The following TFDP1 variants were observed in gnomAD, a reference collection of about 807,000 sequenced individuals.
TFDP1 encodes DRTF1-polypeptide 1.
Under a neutral mutation model 48.0 loss-of-function variants are expected in TFDP1, and 6 were observed. The ratio of observed to expected loss-of-function variants is 0.13; its 90% confidence interval spans 0.07 to 0.25. The LOEUF (loss-of-function observed/expected upper bound fraction) is 0.25. Ranked by LOEUF, TFDP1 falls within the 10% of genes least tolerant of loss-of-function variation. The probability of loss-of-function intolerance (pLI) is 1.00; values close to 1 mark genes in which losing one functional copy is unlikely to be tolerated. For missense variants in TFDP1, 335 were observed against 543.0 expected, an observed-to-expected ratio of 0.62 and a Z score of 3.81; for synonymous variants, 201 against 211.6, an observed-to-expected ratio of 0.95 and a Z score of 0.44.
intron 1 of TFDP1, among the ~76,000 whole-genome samples, 172 bp downstream of exon 1, chr13:113,585,060 C>T (rs1047972274): frequency 6.8e-6 from 1 of 146,746 alleles, no homozygotes; most frequent in Non-Finnish European, 1.5e-5. Context: ...GCGCGCTCGG[C>T]GCTGGTAGGG....
chr13:113,638,281 G>A (rs1159755655), intron 11 of TFDP1, among the ~76,000 whole-genome samples: 5 of 151,414 alleles, frequency 3.3e-5, no homozygotes, highest in South Asian at 4.2e-4. Context: ...ACGCGTCTGC[G>A]GTCTGGGCGC....
At chr13:113,635,441 A>G (rs1242976467) in intron 8 of TFDP1, among the ~76,000 whole-genome samples, 2 of 152,152 alleles carry the variant, frequency 1.3e-5, no homozygotes, top group Non-Finnish European at 2.9e-5. Context: ...CTGGCTCTAC[A>G]TTAATAGCAA....
chr13:113,633,500 C>T lies in TFDP1; in HGVS notation c.474+215C>T, dbSNP rs181737263. ...GTGGTACGTTTCGCTCTTTTAATAT[C>T]GGGAACAGTTAAAACCATACAGAAA... On this transcript the variant is annotated intron_variant, in intron 6 of 11. Transcript: ENST00000375370. This position sits in a 1 kb window ranked among gnomAD's most constrained non-coding sequence, Gnocchi z 4.5. Among the ~76,000 whole-genome samples, 17 of 152,188 alleles carry T rather than the reference C, an allele frequency of 1.1e-4. No individual in the cohort carries two copies. Among genetic ancestry groups the T allele is most frequent in the Admixed American group, 4.6e-4 (7 of 15,304 alleles).
chr13:113,606,368 C>T (rs1233790904), intron 2 of TFDP1, among the ~76,000 whole-genome samples: 1 of 152,158 alleles, frequency 6.6e-6, no homozygotes, highest in African/African-American at 2.4e-5. Flanking sequence ...GGGAGTCCAC[C>T]ATCAAGGCCC....
intron 2 of TFDP1, among the ~76,000 whole-genome samples, chr13:113,596,414 A>G (rs2048290473): frequency 6.6e-6 from 1 of 152,208 alleles, no homozygotes; most frequent in South Asian, 2.1e-4. Flanking sequence ...ACGATGCAGC[A>G]TGGAGGACAG....
intron 7 of TFDP1, 36 bp downstream of exon 7, chr13:113,634,069 T>G: frequency 6.2e-7 from 1 of 1,613,902 alleles, no homozygotes; most frequent in African/African-American, 1.3e-5. Flanking sequence ...TTGATTTCCC[T>G]TCAAGTCCGT....
chr13:113,600,655 G>C lies in TFDP1; in HGVS notation c.13-10341G>C, dbSNP rs151279153. On this transcript the variant is annotated intron_variant, in intron 2 of 11. Coordinates refer to ENST00000375370, the MANE Select transcript of TFDP1 (RefSeq NM_007111.5). ...GGACCATAAGAGAGAACCCTTACAC[G>C]TAGAGCTCCAGGACCGTGATAGAGA... Among the ~76,000 whole-genome samples, 425 of 140,468 alleles carry C rather than the reference G, an allele frequency of 3.0e-3. 2 individuals are homozygous for C. The highest frequency in any genetic ancestry group is 0.011 in the African/African-American group (403 of 37,754). 92.2% of individuals were successfully genotyped at this position (140,468 alleles called of 152,430 possible).
At chr13:113,611,389 G>A (rs926803946) in intron 3 of TFDP1, among the ~76,000 whole-genome samples, 5 of 152,272 alleles carry the variant, frequency 3.3e-5, no homozygotes, top group Non-Finnish European at 7.3e-5. Context: ...CAGCTGTGGT[G>A]TGGGCTCTTC....
At chr13:113,609,490 G>A (rs570669735) in intron 2 of TFDP1, among the ~76,000 whole-genome samples, 14 of 152,126 alleles carry the variant, frequency 9.2e-5, no homozygotes, top group South Asian at 2.1e-4. Flanking sequence ...TCGGGCTTAC[G>A]GGCAGCCCTG....
chr13:113,617,196 A>T (rs1207329798), intron 3 of TFDP1, among the ~76,000 whole-genome samples: 2 of 152,180 alleles, frequency 1.3e-5, no homozygotes, highest in Non-Finnish European at 2.9e-5. Flanking sequence ...TAACTGCCAG[A>T]GTAGATAGCT....
At chr13:113,629,359 G>A (rs1418033522) in intron 4 of TFDP1, among the ~76,000 whole-genome samples, 1 of 152,232 alleles carries the variant, frequency 6.6e-6, no homozygotes, top group African/African-American at 2.4e-5. Flanking sequence ...TGTCTTCCAG[G>A]AAAGGTTGTT....
At chr13:113,631,357 C>G (rs775388164) in intron 4 of TFDP1, among the ~76,000 whole-genome samples, 1 of 152,134 alleles carries the variant, frequency 6.6e-6, no homozygotes, top group Non-Finnish European at 1.5e-5. Flanking sequence ...TTGCTTGGGT[C>G]GTCCGAAGTT....
intron 2 of TFDP1, among the ~76,000 whole-genome samples, chr13:113,587,650 A>G (rs539789602): frequency 1.3e-5 from 2 of 151,052 alleles, no homozygotes; most frequent in Non-Finnish European, 3.0e-5. Context: ...ATGCCTGGCA[A>G]ATTTTTTTGT....
At position 113,631,697 on chromosome 13, in the gene TFDP1, C is replaced by G; in HGVS notation, c.261C>G (p.His87Gln). The G allele has an allele frequency of 6.2e-7, 1 of 1,614,192 alleles. No individual in the cohort carries two copies. Among genetic ancestry groups the G allele is most frequent in the Non-Finnish European group, 8.5e-7 (1 of 1,180,024 alleles). ...VVGSPHTPSTHFASQNQPSDS... is the reference protein window; with the variant it reads ...VVGSPHTPSTQFASQNQPSDS... ...GAAGCCCACACACCCCCAGCACTCACTTTGCCTCTCAGAACCAGCCTTCCG... is the reference window on the plus strand; with the variant it reads ...GAAGCCCACACACCCCCAGCACTCAGTTTGCCTCTCAGAACCAGCCTTCCG... Residue 87 changes from histidine (H) to glutamine (Q), a missense_variant, in exon 5 of 12, where the codon CAC becomes CAG. Coordinates refer to ENST00000375370, the MANE Select transcript of TFDP1 (RefSeq NM_007111.5).
chr13:113,604,624 A>C (rs1458675788), intron 2 of TFDP1, among the ~76,000 whole-genome samples: 1 of 126,390 alleles, frequency 7.9e-6, no homozygotes, highest in Non-Finnish European at 1.6e-5. Flanking sequence ...TCCTGTTGAC[A>C]CGAGCACTGA....
At chr13:113,617,828 G>C (rs2140447277) in intron 3 of TFDP1, among the ~76,000 whole-genome samples, 1 of 152,330 alleles carries the variant, frequency 6.6e-6, no homozygotes, top group African/African-American at 2.4e-5. Context: ...ATACAAAACT[G>C]TATGGTTTCA....
At position 113,627,107 on chromosome 13, in the gene TFDP1, A is replaced by G. The variant is rs564971626; in HGVS notation, c.186+3821A>G. 4.6e-5 allele frequency among the ~76,000 whole-genome samples: 7 copies of G among 152,312 alleles called. No individual in the cohort carries two copies. In the South Asian group the frequency reaches 1.2e-3, roughly 27 times the overall value. The stretch of plus-strand genomic sequence containing the variant: ...GGGCAAATGTTTCTTAAACCTTTTT[A>G]TATACCAGAGGTTTACAAAAAACTG... On this transcript the variant is annotated intron_variant, in intron 4 of 11. Coordinates refer to ENST00000375370, the MANE Select transcript of TFDP1 (RefSeq NM_007111.5). The surrounding 1 kb of genome is among the most constrained non-coding windows in gnomAD (Gnocchi z 4.1).
chr13:113,604,438 A>G lies in TFDP1; in HGVS notation c.13-6558A>G, dbSNP rs544270622. Among the ~76,000 whole-genome samples, 3 of 152,202 alleles carry G rather than the reference A, an allele frequency of 2.0e-5. No homozygotes were observed. The East Asian group carries it at 5.8e-4, about 29-fold the overall frequency. On this transcript the variant is annotated intron_variant, in intron 2 of 11. Transcript: ENST00000375370. ...AGTAGAGACCCAGACTCACACCCAC[A>G]CTCCTAAGGGCAGGACACAGGGGAG...
chr13:113,625,767 G>C (rs1307961107), intron 4 of TFDP1, among the ~76,000 whole-genome samples: 6 of 119,236 alleles, frequency 5.0e-5, no homozygotes, highest in African/African-American at 1.7e-4. Context: ...CGTGTCCTCA[G>C]GCGTCTCTCA....
Sources: gnomAD v4.1 joint callset for allele counts (sites outside exome capture counted in the v4.1 genomes callset) on GRCh38, gnomAD v4.1.1 for gene constraint, Gnocchi (gnomAD v3.1) non-coding constraint, MANE v1.5 for transcripts, NCBI Gene and HGNC (gene_info 2026-07-23, HGNC 2026-07-21) for gene names.